KATNIP: variants seen among roughly 807,000 people sequenced by gnomAD.
KATNIP encodes katanin-interacting protein.
A neutral mutation model predicts 174.0 loss-of-function variants in KATNIP; 126 were observed. The observed-to-expected ratio is 0.72, with a 90% CI of 0.63 to 0.84. KATNIP has a LOEUF of 0.84. Among genes scored for constraint, KATNIP ranks in the 40% least tolerant of loss-of-function variants. KATNIP has a pLI of 0.00. For synonymous variants in KATNIP, 810 were observed against 835.7 expected, an observed-to-expected ratio of 0.97 and a Z score of 0.53; for missense variants, 1,958 against 2,109.7, an observed-to-expected ratio of 0.93 and a Z score of 1.41.
chr16:27,701,361 A>G (rs979124944), intron 10 of KATNIP: 13 of 437,750 alleles, frequency 3.0e-5, no homozygotes, highest in Non-Finnish European at 5.1e-5. Context: ...ACAGTCACTC[A>G]TCGAAGTGGA....
chr16:27,553,664 T>A (rs1052107708), intron 1 of KATNIP, among the ~76,000 whole-genome samples: 4 of 151,550 alleles, frequency 2.6e-5, no homozygotes, highest in Non-Finnish European at 4.4e-5. Context: ...AATAAATAAA[T>A]AAAATAAATA....
rs1357710492 is a variant in KATNIP at position 27,750,303 on chromosome 16, G to A, written c.3343G>A (p.Gly1115Arg). Residue 1115 changes from glycine to arginine, a missense_variant, in exon 16 of 28, where the codon GGA becomes AGA. This residue lies in a region of KATNIP where 1,557 missense variants were observed against 1,617.8 expected (regional missense o/e 0.96). Transcript: ENST00000261588. ...EIAKASGTLA[G>R]APEHFGDTIL... Reference sequence around the variant, plus strand: ...CGCCAAGGCCTCTGGAACCCTGGCGGGAGGTATGGCGTGTCTGTAAGAATT... The same window carrying A: ...CGCCAAGGCCTCTGGAACCCTGGCGAGAGGTATGGCGTGTCTGTAAGAATT... 1.2e-6 allele frequency: 2 copies of A among 1,605,852 alleles called. No homozygotes were observed. Among genetic ancestry groups the A allele is most frequent in the Non-Finnish European group, 1.7e-6 (2 of 1,175,552 alleles).
chr16:27,633,910 G>A (rs1233970828), intron 5 of KATNIP, among the ~76,000 whole-genome samples: 1 of 152,160 alleles, frequency 6.6e-6, no homozygotes, highest in East Asian at 1.9e-4. Context: ...TGATTAACTG[G>A]GGAAGGGTGT....
chr16:27,762,115 A>G (rs1171248861), intron 19 of KATNIP, among the ~76,000 whole-genome samples: 1 of 152,120 alleles, frequency 6.6e-6, no homozygotes, highest in Non-Finnish European at 1.5e-5. Context: ...AGCCTCAAAT[A>G]CAGCATTGAT....
chr16:27,750,702 A>C (rs1023733388), intron 16 of KATNIP, among the ~76,000 whole-genome samples: 2 of 145,664 alleles, frequency 1.4e-5, no homozygotes, highest in Admixed American at 6.8e-5. Context: ...AAAGTGTTGG[A>C]ATTACAGGCG....
intron 6 of KATNIP, among the ~76,000 whole-genome samples, chr16:27,661,362 G>A (rs546753985): frequency 1.8e-4 from 27 of 152,132 alleles, no homozygotes; most frequent in East Asian, 1.4e-3. Context: ...TTAGGTTTAA[G>A]AGAAGCCAGG....
At chr16:27,628,455 GC>G in intron 3 of KATNIP, 1 of 569,210 alleles carries the variant, frequency 1.8e-6, no homozygotes, top group Non-Finnish European at 3.1e-6. Flanking sequence ...TCCCTGTAGG[GC>G]CCCAAACTGT....
At chr16:27,579,586 C>T (rs1175243107) in intron 2 of KATNIP, among the ~76,000 whole-genome samples, 1 of 152,154 alleles carries the variant, frequency 6.6e-6, no homozygotes, top group East Asian at 1.9e-4. Flanking sequence ...TCACTCCAGC[C>T]AGACTTGAGG....
chr16:27,701,087 ATTC>A (rs2079081882), intron 10 of KATNIP, among the ~76,000 whole-genome samples: 1 of 152,168 alleles, frequency 6.6e-6, no homozygotes, highest in Non-Finnish European at 1.5e-5. Context: ...TGTTACTGGA[ATTC>A]TTCATAGAGT....
chr16:27,751,637 G>A (rs1275861520), intron 16 of KATNIP, 82 bp from the exon 17 acceptor site: 2 of 1,308,856 alleles, frequency 1.5e-6, no homozygotes, highest in Non-Finnish European at 1.1e-6. Context: ...CAGCACAGAA[G>A]TGGATGGGTT....
chr16:27,561,699 T>C (rs1016181807), intron 1 of KATNIP, among the ~76,000 whole-genome samples: 2 of 152,192 alleles, frequency 1.3e-5, no homozygotes, highest in African/African-American at 4.8e-5. Flanking sequence ...GTGTGGTGTG[T>C]GTGTATGTGT....
At chr16:27,737,904 G>A (rs1192366294) in intron 14 of KATNIP, among the ~76,000 whole-genome samples, 1 of 152,110 alleles carries the variant, frequency 6.6e-6, no homozygotes, top group Non-Finnish European at 1.5e-5. Context: ...AAACTAGGAT[G>A]GCCCGTCACC....
At position 27,773,145 on chromosome 16, in the gene KATNIP, C is replaced by T; in HGVS notation, c.4245C>T (p.Tyr1415=). The change falls in exon 23 of 28, where the codon TAC becomes TAT. Residue 1415 remains tyrosine, a synonymous_variant. Coordinates refer to ENST00000261588, the MANE Select transcript of KATNIP (RefSeq NM_015202.5). ...QLLTSWGDPY[Y]IGLTGLELYD... ...TCACCAGCTGGGGCGACCCCTACTA[C>T]ATCGGCCTCACCGGCCTGGAGCTGT... 6.2e-7 allele frequency: 1 copy of T among 1,612,888 alleles called. No homozygotes were observed. The highest frequency in any genetic ancestry group is 8.5e-7 in the Non-Finnish European group (1 of 1,179,472).
Position 27,631,104 on chromosome 16 carries a change from C to T in KATNIP, c.350C>T (p.Ala117Val). 1 of 1,577,892 alleles carries T rather than the reference C, an allele frequency of 6.3e-7. No homozygotes were observed. The highest frequency in any genetic ancestry group is 8.6e-7 in the Non-Finnish European group (1 of 1,160,588). ...ACTCTGTTTCGAGAAGCTGAAGAAG[C>T]CTTAAGACGCAGTTCACGGACAGCC... ...RRTLFREAEEALRRSSRTAPS... is the reference protein window; with the variant it reads ...RRTLFREAEEVLRRSSRTAPS... The change falls in exon 5 of 28, where the codon GCC becomes GTC. Residue 117 changes from alanine to valine, a missense_variant. Physicochemically the swap from Ala to Val is moderately conservative, Grantham distance 64 (BLOSUM62 0). Around this residue, in one of 3 missense-constraint regions of KATNIP, gnomAD observed 1,557 missense variants for 1,617.8 expected, o/e 0.96. Coordinates refer to ENST00000261588, the MANE Select transcript of KATNIP (RefSeq NM_015202.5).
At chr16:27,658,687 A>G (rs1430965010) in intron 6 of KATNIP, among the ~76,000 whole-genome samples, 1 of 152,180 alleles carries the variant, frequency 6.6e-6, no homozygotes, top group Admixed American at 6.6e-5. Context: ...CCTTAAAAAA[A>G]TAACAGATGG....
At chr16:27,748,941 C>T (rs537776672) in intron 15 of KATNIP, among the ~76,000 whole-genome samples, 1 of 152,258 alleles carries the variant, frequency 6.6e-6, no homozygotes, top group South Asian at 2.1e-4. Flanking sequence ...CCAGGATATG[C>T]TGCATTTAAA....
chr16:27,728,398 G>C (rs1300066314), intron 14 of KATNIP, among the ~76,000 whole-genome samples: 4 of 152,180 alleles, frequency 2.6e-5, no homozygotes, highest in African/African-American at 9.7e-5. Flanking sequence ...AGCCAGCAGG[G>C]GAAGGAGAGG....
At chr16:27,625,442 C>G (rs2076305306) in intron 3 of KATNIP, among the ~76,000 whole-genome samples, 1 of 152,192 alleles carries the variant, frequency 6.6e-6, no homozygotes, top group African/African-American at 2.4e-5. Context: ...GGCTCCTGCT[C>G]CCTCCCTGGA....
intron 14 of KATNIP, among the ~76,000 whole-genome samples, chr16:27,724,667 C>T (rs935196362): frequency 3.3e-5 from 5 of 152,158 alleles, no homozygotes; most frequent in African/African-American, 7.2e-5. Context: ...AATCTGTTGC[C>T]AGAATTTACC....
Sources: gnomAD v4.1 joint callset for allele counts (sites outside exome capture counted in the v4.1 genomes callset) on GRCh38, gnomAD v4.1.1 for gene constraint, gnomAD v4.1.1 regional missense constraint, MANE v1.5 for transcripts, NCBI Gene and HGNC (gene_info 2026-07-23, HGNC 2026-07-21) for gene names.